The following TPST1 variants were observed in gnomAD, a reference collection of about 807,000 sequenced individuals.
TPST1 encodes tyrosylprotein sulfotransferase 1, also known as protein-tyrosine sulfotransferase 1.
TPST1 carries 20 observed loss-of-function variants against 34.8 expected under a neutral mutation model. The ratio of observed to expected loss-of-function variants is 0.57; its 90% CI spans 0.40 to 0.84. The LOEUF (loss-of-function observed/expected upper bound fraction) is 0.84, where lower values mean the gene tolerates loss of function less well. Ranked by LOEUF, TPST1 falls within the 40% of genes least tolerant of loss-of-function variation. The pLI is 0.00. For synonymous variants in TPST1, 152 were observed against 159.4 expected (o/e 0.95, Z 0.35); for missense variants, 353 against 455.5 (o/e 0.78, Z 2.05).
intron 3 of TPST1, 69 bp from the exon 4 acceptor site, chr7:66,352,436 T>TGGCACATGTCCTGCAATGATG: frequency 6.4e-7 from 1 of 1,573,582 alleles, no homozygotes; most frequent in African/African-American, 1.4e-5. Flanking sequence ...CGGTCAGGCA[T>TGGCACATGTCCTGCAATGATG]GGCACATGTC....
chr7:66,340,428 A>T (rs896120006), intron 3 of TPST1, among the ~76,000 whole-genome samples: 3 of 152,176 alleles, frequency 2.0e-5, no homozygotes, highest in Non-Finnish European at 1.5e-5. Context: ...GGGTACCCAA[A>T]TTGGAAAGGA....
At chr7:66,297,951 G>A (rs1256145566) in intron 3 of TPST1, among the ~76,000 whole-genome samples, 2 of 152,176 alleles carry the variant, frequency 1.3e-5, no homozygotes, top group Non-Finnish European at 2.9e-5. Flanking sequence ...CTACAGGATA[G>A]AGTCTAGACT....
chr7:66,309,891 G>C (rs1791497639), intron 3 of TPST1, among the ~76,000 whole-genome samples: 1 of 152,002 alleles, frequency 6.6e-6, no homozygotes, highest in South Asian at 2.1e-4. Flanking sequence ...TGTGTGCATG[G>C]GAGTTATACA....
chr7:66,302,791 G>T (rs924791110), intron 3 of TPST1, among the ~76,000 whole-genome samples: 1 of 152,172 alleles, frequency 6.6e-6, no homozygotes, highest in Admixed American at 6.5e-5. Flanking sequence ...AGTTTATCTG[G>T]TGTTTTCTTG....
chr7:66,250,359 T>G (rs1178739884), intron 2 of TPST1, among the ~76,000 whole-genome samples: 1 of 152,198 alleles, frequency 6.6e-6, no homozygotes, highest in African/African-American at 2.4e-5. Flanking sequence ...ATCTATACTT[T>G]TAGCTCTTGT....
chr7:66,208,362 G>A (rs992217671), intron 1 of TPST1, among the ~76,000 whole-genome samples: 1 of 152,142 alleles, frequency 6.6e-6, no homozygotes, highest in Non-Finnish European at 1.5e-5. Flanking sequence ...CAGGCACCTA[G>A]GACTTTTTCT....
intron 2 of TPST1, among the ~76,000 whole-genome samples, chr7:66,269,916 G>T (rs1284128988): frequency 6.6e-6 from 1 of 152,110 alleles, no homozygotes; most frequent in Non-Finnish European, 1.5e-5. Context: ...ACGGTCTCAT[G>T]GTGGGGGAGG....
upstream of TPST1, among the ~76,000 whole-genome samples, chr7:66,201,721 C>T (rs1789037499): frequency 2.6e-5 from 4 of 151,526 alleles, no homozygotes; most frequent in South Asian, 2.1e-4. Context: ...GAGTGGGTGG[C>T]GTGCACCCGT....
chr7:66,278,774 G>A (rs1440759936), intron 2 of TPST1, among the ~76,000 whole-genome samples: 1 of 151,368 alleles, frequency 6.6e-6, no homozygotes, highest in Non-Finnish European at 1.5e-5. Context: ...CTCCAGCCTG[G>A]GTGGCAGAAC....
intron 2 of TPST1, among the ~76,000 whole-genome samples, chr7:66,263,559 C>T (rs1790530462): frequency 6.6e-6 from 1 of 152,204 alleles, no homozygotes; most frequent in Non-Finnish European, 1.5e-5. Context: ...TAAAATTGCT[C>T]CTCTCGAACC....
At chr7:66,318,148 ACT>A (rs1791672839) in intron 3 of TPST1, among the ~76,000 whole-genome samples, 1 of 152,064 alleles carries the variant, frequency 6.6e-6, no homozygotes, top group African/African-American at 2.4e-5. Flanking sequence ...ACAGAGCAAG[ACT>A]CTTTCTCAAA....
intron 2 of TPST1, among the ~76,000 whole-genome samples, chr7:66,243,167 G>T (rs1048461579): frequency 4.2e-5 from 6 of 142,506 alleles, no homozygotes; most frequent in African/African-American, 1.5e-4. Flanking sequence ...GTGTGTGTGT[G>T]TTTGTGTGTG....
chr7:66,343,303 C>CA (rs995838671), intron 3 of TPST1, among the ~76,000 whole-genome samples: 2 of 152,024 alleles, frequency 1.3e-5, no homozygotes. Flanking sequence ...AATGCTGAAA[C>CA]AAAAAACCAA....
At chr7:66,348,128 A>C (rs1291479874) in intron 3 of TPST1, among the ~76,000 whole-genome samples, 2 of 151,978 alleles carry the variant, frequency 1.3e-5, no homozygotes, top group African/African-American at 4.8e-5. Context: ...CCCACATCCT[A>C]TCTGTTAGGA....
At chr7:66,256,919 G>T (rs531941386) in intron 2 of TPST1, among the ~76,000 whole-genome samples, 163 of 152,144 alleles carry the variant, frequency 1.1e-3, no homozygotes, top group Non-Finnish European at 2.0e-3. Context: ...TCTAAATCAG[G>T]TCCAGTTGTG....
intron 2 of TPST1, among the ~76,000 whole-genome samples, chr7:66,266,434 A>C (rs748930134): frequency 1.3e-5 from 2 of 152,250 alleles, no homozygotes; most frequent in African/African-American, 4.8e-5. Context: ...GAGTTAAACT[A>C]GTATAACCAT....
intron 3 of TPST1, among the ~76,000 whole-genome samples, chr7:66,314,544 G>A (rs1162369914): frequency 2.6e-5 from 4 of 152,110 alleles, no homozygotes; most frequent in Admixed American, 6.5e-5. Context: ...AAATAAAAAC[G>A]ATCAATGTGG....
At chr7:66,317,083 A>G (rs1343785020) in intron 3 of TPST1, among the ~76,000 whole-genome samples, 1 of 152,228 alleles carries the variant, frequency 6.6e-6, no homozygotes, top group African/African-American at 2.4e-5. Flanking sequence ...AAAAGTTAAC[A>G]AAAAAAGTCT....
At chr7:66,228,275 C>G (rs752984381) in intron 1 of TPST1, among the ~76,000 whole-genome samples, 1 of 152,066 alleles carries the variant, frequency 6.6e-6, no homozygotes, top group Non-Finnish European at 1.5e-5. Context: ...AAGGTAGTTA[C>G]CTTGTTTTCC....
Sources: gnomAD v4.1 joint callset for allele counts (sites outside exome capture counted in the v4.1 genomes callset) on GRCh38, gnomAD v4.1.1 for gene constraint, MANE v1.5 for transcripts, NCBI Gene and HGNC (gene_info 2026-07-23, HGNC 2026-07-21) for gene names.